The following NLGN1 variants were observed in gnomAD, a reference collection of about 807,000 sequenced individuals.
The protein encoded by NLGN1 is neuroligin-1.
In NLGN1, 12 loss-of-function variants were observed where a neutral mutation model predicts 65.5. The observed-to-expected ratio is 0.18, with a 90% CI of 0.12 to 0.30. The LOEUF (loss-of-function observed/expected upper bound fraction) is 0.30, where lower values mean the gene tolerates loss of function less well. NLGN1 is among the 10% of genes least tolerant of loss of function. NLGN1 has a pLI of 1.00. For synonymous variants in NLGN1, 350 were observed against 359.5 expected (o/e 0.97, Z 0.30); for missense variants, 750 against 1,007.1 (o/e 0.74, Z 3.46).
At chr3:173,838,678 A>T (rs1488557) in intron 4 of NLGN1, among the ~76,000 whole-genome samples, 120,318 of 152,122 alleles carry the variant, frequency 0.79, 48,675 homozygotes, top group Non-Finnish European at 0.86. Flanking sequence ...CTGCTTTTGT[A>T]TGAAACTTGT....
chr3:173,732,334 G>A (rs1772985594), intron 3 of NLGN1, among the ~76,000 whole-genome samples: 1 of 152,230 alleles, frequency 6.6e-6, no homozygotes, highest in South Asian at 2.1e-4. Flanking sequence ...TCCTCTGATT[G>A]CTTTCCACAT....
chr3:173,824,735 C>T (rs1246407735), intron 4 of NLGN1, among the ~76,000 whole-genome samples: 1 of 151,968 alleles, frequency 6.6e-6, no homozygotes, highest in Non-Finnish European at 1.5e-5. Flanking sequence ...TGCTGTGTCT[C>T]CCTTGACTAA....
chr3:173,440,008 A>G (rs1001784342), intron 2 of NLGN1, among the ~76,000 whole-genome samples: 3 of 152,188 alleles, frequency 2.0e-5, no homozygotes, highest in Non-Finnish European at 2.9e-5. Context: ...AATTTCTTTC[A>G]AAATTAGAGT....
intron 3 of NLGN1, among the ~76,000 whole-genome samples, chr3:173,725,345 A>G (rs1771592483): frequency 6.6e-6 from 1 of 152,152 alleles, no homozygotes; most frequent in South Asian, 2.1e-4. Context: ...AAGTTACTAC[A>G]TGTTCCTAAG....
intron 3 of NLGN1, among the ~76,000 whole-genome samples, chr3:173,740,985 C>A (rs1578208077): frequency 1.3e-5 from 2 of 152,152 alleles, no homozygotes; most frequent in South Asian, 4.1e-4. Flanking sequence ...ATAAAACACG[C>A]AAAGTATTAT....
intron 2 of NLGN1, among the ~76,000 whole-genome samples, chr3:173,508,959 A>G (rs935739865): frequency 6.6e-6 from 1 of 152,142 alleles, no homozygotes; most frequent in African/African-American, 2.4e-5. Flanking sequence ...CTTCTCATTT[A>G]TAATGCAACA....
At chr3:173,484,352 G>A (rs1268864235) in intron 2 of NLGN1, among the ~76,000 whole-genome samples, 2 of 152,066 alleles carry the variant, frequency 1.3e-5, no homozygotes, top group Non-Finnish European at 2.9e-5. Context: ...TTTTGATCAT[G>A]GGGAGAGGGA....
intron 4 of NLGN1, among the ~76,000 whole-genome samples, chr3:174,062,286 A>G (rs575259217): frequency 3.9e-5 from 6 of 152,124 alleles, no homozygotes; most frequent in African/African-American, 1.4e-4. Context: ...ATGTTGTATT[A>G]TCAAGTATTT....
intron 4 of NLGN1, among the ~76,000 whole-genome samples, chr3:173,820,978 C>T (rs1720173142): frequency 6.6e-6 from 1 of 152,118 alleles, no homozygotes; most frequent in South Asian, 2.1e-4. Context: ...AGGTGCACAA[C>T]CATTATCACA....
rs191247351 is a variant in NLGN1, at chr3:173,856,770, G to A, written c.646+48938G>A. ...TTTTACACAGAGGCCTAAAATACTA[G>A]AGAGAAAAGTGAACAGCACAAGGCT... On this transcript the variant is annotated intron_variant, in intron 4 of 6. Transcript: ENST00000457714. Among the ~76,000 whole-genome samples, 363 of 152,164 alleles carry A rather than the reference G, an allele frequency of 2.4e-3. 4 individuals are homozygous for A. The highest frequency in any genetic ancestry group is 8.0e-3 in the African/African-American group (332 of 41,536).
intron 2 of NLGN1, among the ~76,000 whole-genome samples, chr3:173,521,920 A>G (rs1292309604): frequency 6.6e-6 from 1 of 152,172 alleles, no homozygotes; most frequent in African/African-American, 2.4e-5. Context: ...AATACATTCT[A>G]TGCATTTTCT....
At chr3:173,692,155 A>T (rs1480033818) in intron 3 of NLGN1, among the ~76,000 whole-genome samples, 1 of 152,106 alleles carries the variant, frequency 6.6e-6, no homozygotes, top group Non-Finnish European at 1.5e-5. Context: ...TACTTGTTAG[A>T]CATAAGGCAT....
Position 173,774,557 on chromosome 3 carries a change from C to T in NLGN1, c.494-33123C>T, listed in dbSNP as rs777977301. 7.7e-4 allele frequency among the ~76,000 whole-genome samples: 118 copies of T among 152,270 alleles called. 1 individual carries two copies. The highest frequency in any genetic ancestry group is 8.5e-4 in the Admixed American group (13 of 15,284). On this transcript the variant is annotated intron_variant, in intron 3 of 6. Transcript: ENST00000457714. ...TGCTATCATACTCCAAATAGCTGTG[C>T]TGTGGGCTCTCTGGACTCACTTCCA...
intron 4 of NLGN1, among the ~76,000 whole-genome samples, chr3:173,967,533 C>T (rs529969171): frequency 3.9e-5 from 6 of 152,160 alleles, no homozygotes; most frequent in Non-Finnish European, 5.9e-5. Flanking sequence ...TCCTAAGTTA[C>T]GCCAAACTAT....
At chr3:173,777,743 T>C (rs1780535504) in intron 3 of NLGN1, among the ~76,000 whole-genome samples, 1 of 151,790 alleles carries the variant, frequency 6.6e-6, no homozygotes, top group Non-Finnish European at 1.5e-5. Context: ...ATCTTGCTTG[T>C]TGTGAATAGT....
chr3:173,658,317 G>T (rs978792667), intron 3 of NLGN1, among the ~76,000 whole-genome samples: 3 of 151,950 alleles, frequency 2.0e-5, no homozygotes, highest in Non-Finnish European at 2.9e-5. Context: ...TTGAGTCTCT[G>T]TTGGGTGTAA....
At chr3:173,579,213 G>A (rs912630370) in intron 2 of NLGN1, among the ~76,000 whole-genome samples, 2 of 152,194 alleles carry the variant, frequency 1.3e-5, no homozygotes, top group African/African-American at 4.8e-5. Flanking sequence ...TAGTCGCAGT[G>A]GCTATGCCTG....
At chr3:173,428,484 T>G (rs1157565244) in intron 1 of NLGN1, among the ~76,000 whole-genome samples, 1 of 152,032 alleles carries the variant, frequency 6.6e-6, no homozygotes, top group African/African-American at 2.4e-5. Context: ...TTACAAAATA[T>G]TTTATGGATA....
intron 4 of NLGN1, among the ~76,000 whole-genome samples, chr3:173,966,541 G>A (rs1349119040): frequency 6.6e-6 from 1 of 152,128 alleles, no homozygotes; most frequent in African/African-American, 2.4e-5. Flanking sequence ...GTAGATATCG[G>A]TTTAAGAATA....
Sources: gnomAD v4.1 joint callset for allele counts (sites outside exome capture counted in the v4.1 genomes callset) on GRCh38, gnomAD v4.1.1 for gene constraint, MANE v1.5 for transcripts, NCBI Gene and HGNC (gene_info 2026-07-23, HGNC 2026-07-21) for gene names.